ZCCHC14: variants seen among roughly 807,000 people sequenced by gnomAD.
ZCCHC14 encodes zinc finger CCHC domain-containing protein 14.
ZCCHC14 carries 16 observed loss-of-function variants against 85.0 expected under a neutral mutation model. The ratio of observed to expected loss-of-function variants is 0.19; its 90% CI spans 0.13 to 0.29. The LOEUF (loss-of-function observed/expected upper bound fraction) is 0.29. Ranked by LOEUF, ZCCHC14 falls within the 10% of genes least tolerant of loss-of-function variation. The pLI, the probability that ZCCHC14 is intolerant of heterozygous loss-of-function variation, is 1.00. For synonymous variants in ZCCHC14, 775 were observed against 630.7 expected (o/e 1.23, Z -3.43); for missense variants, 1,303 against 1,443.5 (o/e 0.90, Z 1.58).
rs1358496382 is a variant in ZCCHC14, at chr16:87,417,751, C to T, written c.1101-9G>A. On this transcript the variant is annotated splice_polypyrimidine_tract_variant and intron_variant, in intron 7 of 12. Coordinates refer to ENST00000671377, the MANE Select transcript of ZCCHC14 (RefSeq NM_015144.3). ...CCACTCCACACACAGGCCTGTGGGA[C>T]AGGGGCAGGAGGGACACAGAGAGAC... 2 of 1,576,264 alleles carry T rather than the reference C, an allele frequency of 1.3e-6. No homozygotes were observed. Among genetic ancestry groups the T allele is most frequent in the African/African-American group, 2.7e-5 (2 of 74,342 alleles).
intron 1 of ZCCHC14, among the ~76,000 whole-genome samples, chr16:87,481,118 C>G (rs1363279716): frequency 6.6e-6 from 1 of 151,992 alleles, no homozygotes; most frequent in Non-Finnish European, 1.5e-5. Context: ...GGAGGCAGAC[C>G]CAGGCCAGGG....
intron 3 of ZCCHC14, among the ~76,000 whole-genome samples, chr16:87,426,364 C>T (rs1424539946): frequency 6.6e-6 from 1 of 152,236 alleles, no homozygotes; most frequent in Non-Finnish European, 1.5e-5. Flanking sequence ...TTACATTTCA[C>T]CAAGAAAAAG....
At chr16:87,489,197 T>C (rs1912642163) in intron 1 of ZCCHC14, among the ~76,000 whole-genome samples, 1 of 152,206 alleles carries the variant, frequency 6.6e-6, no homozygotes, top group Non-Finnish European at 1.5e-5. Flanking sequence ...TGAAATTAGC[T>C]TAGCAGTGAC....
In ZCCHC14 at chr16:87,407,553, T is replaced by C. The variant is rs1908257722; in HGVS notation, c.*2727A>G. ...ATAGCTGTTGTATCCAAACATCACG[T>C]TCTGCTTCCATCTCTACATTCCACT... is the stretch of plus-strand genomic sequence containing the variant. On this transcript the variant is annotated 3_prime_UTR_variant, in exon 13 of 13. Coordinates refer to ENST00000671377, the MANE Select transcript of ZCCHC14 (RefSeq NM_015144.3). The C allele has an allele frequency of 2.0e-5, 3 of 152,306 alleles. No individual in the cohort carries two copies. In the East Asian group the frequency reaches 5.8e-4, roughly 29 times the overall value. The allele number at this position is 152,306 out of a possible 1,614,324, so 9.4% of individuals were successfully genotyped here. A position where few individuals can be genotyped will look rare whatever the true frequency, so the allele number is the denominator to read the frequency against.
intron 1 of ZCCHC14, among the ~76,000 whole-genome samples, chr16:87,466,766 C>T (rs781367927): frequency 5.9e-5 from 9 of 152,136 alleles, no homozygotes; most frequent in Non-Finnish European, 1.2e-4. Flanking sequence ...TGGATTCCTG[C>T]CTGCTTCCAT....
chr16:87,458,923 G>A (rs1911114495), intron 2 of ZCCHC14, among the ~76,000 whole-genome samples: 1 of 152,154 alleles, frequency 6.6e-6, no homozygotes, highest in Non-Finnish European at 1.5e-5. Context: ...CCCCACTACT[G>A]ACGATTCTGC....
Position 87,411,761 on chromosome 16 carries a change from A to G in ZCCHC14, c.2960T>C (p.Val987Ala). 8.7e-6 allele frequency: 14 copies of G among 1,612,214 alleles called. No homozygotes were observed. The highest frequency in any genetic ancestry group is 1.1e-5 in the Non-Finnish European group (13 of 1,178,950). ...QYGGGSTFPVVHAPYSSSGTP... is the reference protein window; with the variant it reads ...QYGGGSTFPVAHAPYSSSGTP... ...CCCGCTGCTGCTGTAAGGGGCGTGC[A>G]CGACGGGGAAGGTGGAGCCGCCGCC... Residue 987 changes from valine to alanine, a missense_variant, in exon 12 of 13, where the codon GTG (valine) becomes GCG (alanine). Physicochemically the swap from Val to Ala is moderately conservative, Grantham distance 64. Transcript: ENST00000671377.
rs551837217 is a variant in ZCCHC14 at position 87,491,313 on chromosome 16, G to C, written c.570+356C>G. 6.6e-6 allele frequency among the ~76,000 whole-genome samples: 1 copy of C among 152,350 alleles called. No homozygotes were observed. The highest frequency in any genetic ancestry group is 1.5e-5 in the Non-Finnish European group (1 of 68,034). ...GCACGCAGAGGGGACTGAGGGTGTG[G>C]GCTCAGGGCCGCGGTGCGGTCTTGG... On this transcript the variant is annotated intron_variant, in intron 1 of 12. Coordinates refer to ENST00000671377, the MANE Select transcript of ZCCHC14 (RefSeq NM_015144.3). The surrounding 1 kb of genome is among the most constrained non-coding windows in gnomAD (Gnocchi z 5.9).
At chr16:87,467,376 G>C (rs899827393) in intron 1 of ZCCHC14, 50 of 1,598,960 alleles carry the variant, frequency 3.1e-5, no homozygotes, top group Admixed American at 8.4e-5. Flanking sequence ...AATTAAGCAA[G>C]AGAAACTGGG....
At chr16:87,413,770 C>T (rs1272247156) in intron 10 of ZCCHC14, among the ~76,000 whole-genome samples, 3 of 150,882 alleles carry the variant, frequency 2.0e-5, no homozygotes, top group Non-Finnish European at 4.4e-5. Flanking sequence ...GATGGGTCAA[C>T]ATTAAAGGCA....
Position 87,491,440 on chromosome 16 carries a change from G to C in ZCCHC14, c.570+229C>G, listed in dbSNP as rs553450382. On this transcript the variant is annotated intron_variant, in intron 1 of 12. Coordinates refer to ENST00000671377, the MANE Select transcript of ZCCHC14 (RefSeq NM_015144.3). This position sits in a 1 kb window ranked among gnomAD's most constrained non-coding sequence, Gnocchi z 5.9. ...GTACGGCGGAGGCTTGGGATGTACGGTGGAGGCTTGGAGAGGTGGGGCACA... is the reference window on the plus strand; with the variant it reads ...GTACGGCGGAGGCTTGGGATGTACGCTGGAGGCTTGGAGAGGTGGGGCACA... Among the ~76,000 whole-genome samples, 1 of 151,990 alleles carries C rather than the reference G, an allele frequency of 6.6e-6. No individual in the cohort carries two copies. The highest frequency in any genetic ancestry group is 1.5e-5 in the Non-Finnish European group (1 of 67,992).
At chr16:87,430,229 G>C (rs917484954) in intron 3 of ZCCHC14, among the ~76,000 whole-genome samples, 2 of 152,180 alleles carry the variant, frequency 1.3e-5, no homozygotes, top group African/African-American at 4.8e-5. Context: ...TGTAAGGGCA[G>C]CGGCGGGAGT....
chr16:87,412,391 A>G lies in ZCCHC14; in HGVS notation c.2330T>C (p.Leu777Pro). 6.2e-7 allele frequency: 1 copy of G among 1,614,226 alleles called. No homozygotes were observed. Among genetic ancestry groups the G allele is most frequent in the Non-Finnish European group, 8.5e-7 (1 of 1,180,036 alleles). ...LHAARPPIKL[L>P]LSSSVPADSA... The stretch of plus-strand genomic sequence containing the variant: ...ATCAGCAGGAACAGATGACGACAGC[A>G]GCAGTTTGATGGGCGGACGGGCGGC... Residue 777 changes from leucine to proline, a missense_variant, in exon 12 of 13, where the codon CTG (leucine) becomes CCG (proline). Physicochemically the swap from Leu to Pro is moderately conservative, Grantham distance 98. This residue lies in a region of ZCCHC14 where 797 missense variants were observed against 730.8 expected (regional missense o/e 1.09). Transcript: ENST00000671377.
intron 8 of ZCCHC14, among the ~76,000 whole-genome samples, chr16:87,415,973 C>G (rs1445530749): frequency 6.6e-6 from 1 of 152,176 alleles, no homozygotes. Flanking sequence ...GTCACCTAGG[C>G]TGGAGTGCAG....
intron 2 of ZCCHC14, among the ~76,000 whole-genome samples, chr16:87,439,686 G>A (rs1910094638): frequency 6.6e-6 from 1 of 152,046 alleles, no homozygotes; most frequent in South Asian, 2.1e-4. Context: ...GATATCCATA[G>A]AAAATAAACA....
chr16:87,465,709 G>A (rs1483034742), intron 1 of ZCCHC14, among the ~76,000 whole-genome samples: 1 of 152,164 alleles, frequency 6.6e-6, no homozygotes, highest in Admixed American at 6.5e-5. Flanking sequence ...GTCCGGGGTG[G>A]GCCTGAGAAT....
chr16:87,422,612 T>C (rs1057399806), intron 4 of ZCCHC14, among the ~76,000 whole-genome samples: 3 of 150,490 alleles, frequency 2.0e-5, no homozygotes, highest in African/African-American at 7.3e-5. Context: ...GGTGTGCACC[T>C]GTGATCCCAG....
At chr16:87,488,393 C>T (rs1028345899) in intron 1 of ZCCHC14, among the ~76,000 whole-genome samples, 4 of 152,126 alleles carry the variant, frequency 2.6e-5, no homozygotes, top group African/African-American at 9.7e-5. Flanking sequence ...TTCAGCCTAC[C>T]ATCAGTGTGG....
At chr16:87,439,135 TTC>T (rs937075243) in intron 2 of ZCCHC14, among the ~76,000 whole-genome samples, 2 of 132,676 alleles carry the variant, frequency 1.5e-5, no homozygotes, top group African/African-American at 3.2e-5. Flanking sequence ...CTCATACAAG[TTC>T]TTTTTTTTTT....
Sources: allele counts gnomAD v4.1 joint callset (sites outside exome capture counted in the v4.1 genomes callset), GRCh38; gene constraint gnomAD v4.1.1; regional missense constraint gnomAD v4.1.1; non-coding constraint Gnocchi (gnomAD v3.1); transcripts MANE v1.5; gene names NCBI Gene and HGNC (gene_info 2026-07-23, HGNC 2026-07-21).